Variants in FBXO6 observed in about 807,000 individuals in gnomAD.
The protein encoded by FBXO6 is F-box protein 6.
A neutral mutation model predicts 25.0 loss-of-function variants in FBXO6; 13 were observed. That is an observed-to-expected ratio of 0.52 (90% CI 0.34 to 0.83). FBXO6 has a LOEUF of 0.83. Ranked by LOEUF, FBXO6 falls within the 40% of genes least tolerant of loss-of-function variation. The probability of loss-of-function intolerance (pLI) is 0.02; values close to 1 mark genes in which losing one functional copy is unlikely to be tolerated. For missense variants in FBXO6, 370 were observed against 380.2 expected, an observed-to-expected ratio of 0.97 and a Z score of 0.22; for synonymous variants, 138 against 155.3, an observed-to-expected ratio of 0.89 and a Z score of 0.83.
At position 11,672,572 on chromosome 1, in the gene FBXO6, G is replaced by T. The variant is rs1640649566; in HGVS notation, c.509+549G>T. ...CCCAAAGTGCTGGGATTACAGGTGTGAGCCACTGTGCCCAGCCACTGTGCA... is the reference window on the plus strand; with the variant it reads ...CCCAAAGTGCTGGGATTACAGGTGTTAGCCACTGTGCCCAGCCACTGTGCA... On this transcript the variant is annotated intron_variant, in intron 4 of 5. Transcript: ENST00000376753. Among the ~76,000 whole-genome samples, 3 of 152,326 alleles carry T rather than the reference G, an allele frequency of 2.0e-5. No homozygotes were observed. In the South Asian group the frequency reaches 6.2e-4, roughly 32 times the overall value.
intron 1 of FBXO6, chr1:11,664,717 TTC>T (rs959497034): frequency 6.6e-6 from 1 of 152,214 alleles, no homozygotes; most frequent in Admixed American, 6.5e-5. Flanking sequence ...CAGCCACAGT[TTC>T]TGTTTCCGAG....
At chr1:11,668,401 GTTT>G (rs58492433) in intron 1 of FBXO6, among the ~76,000 whole-genome samples, 12 of 142,634 alleles carry the variant, frequency 8.4e-5, no homozygotes, top group African/African-American at 2.6e-4. Context: ...TCTTTTGTGG[GTTT>G]TTTTTTTTTT....
intron 3 of FBXO6, 49 bp downstream of exon 3, chr1:11,671,441 A>G (rs1431696699): frequency 6.3e-7 from 1 of 1,590,812 alleles, no homozygotes; most frequent in Non-Finnish European, 8.6e-7. Context: ...ACAGAGGGTC[A>G]GGACACCTTT....
intron 1 of FBXO6, among the ~76,000 whole-genome samples, chr1:11,666,735 A>G (rs769099969): frequency 8.5e-5 from 13 of 152,092 alleles, no homozygotes; most frequent in Non-Finnish European, 1.5e-4. Flanking sequence ...TCTGCCATGT[A>G]AAGTGTTCCT....
chr1:11,667,596 C>G (rs12069456), intron 1 of FBXO6, among the ~76,000 whole-genome samples: 2 of 139,276 alleles, frequency 1.4e-5, no homozygotes, highest in East Asian at 2.0e-4. Context: ...CACCCTCCAT[C>G]TGATTTTTTT....
Position 11,673,949 on chromosome 1 carries a change from C to T in FBXO6, c.*98C>T, listed in dbSNP as rs548891111. On this transcript the variant is annotated 3_prime_UTR_variant, in exon 6 of 6. Coordinates refer to ENST00000376753, the MANE Select transcript of FBXO6 (RefSeq NM_018438.6). The surrounding 1 kb of genome is among the most constrained non-coding windows in gnomAD (Gnocchi z 4.3). ...GGTCCCTGTACCAGCGACTCCTGCCCCGGTTCAACCCTACCAGCTTGTGGT... is the reference window on the plus strand; with the variant it reads ...GGTCCCTGTACCAGCGACTCCTGCCTCGGTTCAACCCTACCAGCTTGTGGT... The T allele has an allele frequency of 1.0e-6, 1 of 979,482 alleles. No individual in the cohort carries two copies. Among genetic ancestry groups the T allele is most frequent in the African/African-American group, 1.6e-5 (1 of 62,612 alleles). The allele number at this position is 979,482 out of a possible 1,614,324, so 60.7% of individuals were successfully genotyped here.
chr1:11,665,661 G>A (rs12145133), intron 1 of FBXO6, among the ~76,000 whole-genome samples: 80,031 of 145,936 alleles, frequency 0.55, 22,443 homozygotes, highest in African/African-American at 0.68. Flanking sequence ...CCCGGGTTCA[G>A]GTGATTCTCC....
At chr1:11,666,262 C>G (rs758142917) in intron 1 of FBXO6, among the ~76,000 whole-genome samples, 4 of 151,742 alleles carry the variant, frequency 2.6e-5, no homozygotes, top group Admixed American at 1.3e-4. Flanking sequence ...AAGATCCTGA[C>G]GCCATAACCT....
rs1640511011 is a variant in FBXO6 at position 11,668,588 on chromosome 1, G to A, written c.-3-68G>A. 4.5e-6 allele frequency: 7 copies of A among 1,566,544 alleles called. No individual in the cohort carries two copies. The South Asian group carries it at 8.2e-5, about 18-fold the overall frequency. On this transcript the variant is annotated intron_variant, in intron 1 of 5. Transcript: ENST00000376753. ...ATGCAGGGTTGGAGAGGAGTCCCTG[G>A]CCTGGTTCCCTGGGGACCTGAGGGC... is the stretch of plus-strand genomic sequence containing the variant.
chr1:11,665,506 C>G (rs148030600), intron 1 of FBXO6, among the ~76,000 whole-genome samples: 3 of 149,418 alleles, frequency 2.0e-5, no homozygotes, highest in African/African-American at 7.4e-5. Context: ...CCGCCCACCT[C>G]GGCCTCCCAA....
rs781726294 is a variant in FBXO6 at position 11,673,679 on chromosome 1, G to A, written c.710G>A (p.Arg237Lys). ...VRYILFQHGG[R>K]DTQYWAGWYG... ...TACATCCTCTTCCAGCATGGGGGCA[G>A]GGACACCCAGTACTGGGCAGGCTGG... The change falls in exon 6 of 6, where the codon AGG (arginine) becomes AAG (lysine). Residue 237 changes from arginine (R) to lysine (K), a missense_variant. By Grantham distance (26) the Arg-to-Lys change is conservative. Transcript: ENST00000376753. This position sits in a 1 kb window ranked among gnomAD's most constrained non-coding sequence, Gnocchi z 4.3. 115 of 1,614,018 alleles carry A rather than the reference G, an allele frequency of 7.1e-5. No homozygotes were observed. Among genetic ancestry groups the A allele is most frequent in the Non-Finnish European group, 9.5e-5 (112 of 1,180,032 alleles).
rs1063301 is a variant in FBXO6, at chr1:11,673,992, C to G, written c.*141C>G. On this transcript the variant is annotated 3_prime_UTR_variant, in exon 6 of 6. Transcript: ENST00000376753. The surrounding 1 kb of genome is among the most constrained non-coding windows in gnomAD (Gnocchi z 4.3). The stretch of plus-strand genomic sequence containing the variant: ...CTTGTGGTAACTTACTGTCACATAG[C>G]TCTGACGTTTTGTTGTAATAAATGT... 0.16 allele frequency: 110,323 copies of G among 708,884 alleles called. 9,256 individuals carry two copies. The highest frequency in any genetic ancestry group is 0.21 in the South Asian group (12,237 of 57,562). 43.9% of individuals were successfully genotyped at this position (708,884 alleles called of 1,614,324 possible).
intron 2 of FBXO6, among the ~76,000 whole-genome samples, chr1:11,669,374 G>A (rs1640539981): frequency 6.6e-6 from 1 of 151,818 alleles, no homozygotes; most frequent in Non-Finnish European, 1.5e-5. Context: ...TGAGGCAGGA[G>A]AATCACTTGA....
At chr1:11,671,872 G>T in intron 3 of FBXO6, 56 bp from the exon 4 acceptor site, 9 of 1,377,016 alleles carry the variant, frequency 6.5e-6, no homozygotes, top group Admixed American at 2.0e-5. Context: ...CCTGGGTGAG[G>T]GGGGGGGCCA....
chr1:11,668,887 ATCT>A lies in FBXO6; in HGVS notation c.233_235del (p.Phe78del), dbSNP rs1249723317. The A allele has an allele frequency of 9.9e-6, 16 of 1,613,922 alleles. No individual in the cohort carries two copies. The highest frequency in any genetic ancestry group is 2.7e-5 in the African/African-American group (2 of 74,878). ...GGACCAGCCCGTGGCCGACTGGAAA[ATCT>A]TCTACTTCCTACGGAGCCTGCATAG... On this transcript the variant is annotated inframe_deletion, in exon 2 of 6. Transcript: ENST00000376753.
chr1:11,671,353 C>T lies in FBXO6; in HGVS notation c.374C>T (p.Pro125Leu). Reference protein sequence around the residue: ...SLPGAHGTDFPDPKVKKYFVT... With the variant: ...SLPGAHGTDFLDPKVKKYFVT... ...CCTGGAGCCCACGGGACAGATTTTC[C>T]TGACCCCAAAGTCAAGAAGTATTTT... is the stretch of plus-strand genomic sequence containing the variant. The change falls in exon 3 of 6, where the codon CCT becomes CTT. Residue 125 changes from proline (P) to leucine (L), a missense_variant. By Grantham distance (98) the Pro-to-Leu change is moderately conservative. Coordinates refer to ENST00000376753, the MANE Select transcript of FBXO6 (RefSeq NM_018438.6). 1 of 1,614,168 alleles carries T rather than the reference C, an allele frequency of 6.2e-7. No homozygotes were observed. Among genetic ancestry groups the T allele is most frequent in the South Asian group, 1.1e-5 (1 of 91,084 alleles).
At chr1:11,669,264 G>A (rs1640537252) in intron 2 of FBXO6, among the ~76,000 whole-genome samples, 1 of 152,138 alleles carries the variant, frequency 6.6e-6, no homozygotes, top group Non-Finnish European at 1.5e-5. Context: ...TCAGGAGTTA[G>A]AGACCAGCCT....
At chr1:11,672,832 G>A (rs1288746819) in intron 4 of FBXO6, among the ~76,000 whole-genome samples, 3 of 152,250 alleles carry the variant, frequency 2.0e-5, no homozygotes, top group African/African-American at 4.8e-5. Context: ...AAGCGGTGAG[G>A]ATGGAGGGGT....
At chr1:11,669,149 C>T (rs1351567775) in intron 2 of FBXO6, among the ~76,000 whole-genome samples, 1 of 152,266 alleles carries the variant, frequency 6.6e-6, no homozygotes, top group Non-Finnish European at 1.5e-5. Context: ...CCACCTCTAG[C>T]ATAGCACCCC....
Sources: allele counts gnomAD v4.1 joint callset (sites outside exome capture counted in the v4.1 genomes callset), GRCh38; gene constraint gnomAD v4.1.1; non-coding constraint Gnocchi (gnomAD v3.1); transcripts MANE v1.5; gene names NCBI Gene and HGNC (gene_info 2026-07-23, HGNC 2026-07-21).